The following TAP1 variants were observed in gnomAD, a reference collection of about 807,000 sequenced individuals.
The protein encoded by TAP1 is transporter 1, ATP binding cassette subfamily B member.
TAP1 carries 56 observed loss-of-function variants against 79.3 expected under a neutral mutation model. The ratio of observed to expected loss-of-function variants is 0.71; its 90% confidence interval spans 0.57 to 0.88. The LOEUF is 0.88. Among genes scored for constraint, TAP1 ranks in the 40% least tolerant of loss-of-function variants. TAP1 has a pLI of 0.00. For synonymous variants in TAP1, 355 were observed against 401.4 expected, an observed-to-expected ratio of 0.88 and a Z score of 1.38; for missense variants, 737 against 936.3, an observed-to-expected ratio of 0.79 and a Z score of 2.78.
Position 32,850,227 on chromosome 6 carries a change from G to C in TAP1, c.1248+93C>G. ...AAAATACTGAACCAACCATTTCCCA[G>C]TAAAGGAGGAGTGGGAGCAGGGTCA... On this transcript the variant is annotated intron_variant, in intron 5 of 10. Transcript: ENST00000354258. This position sits in a 1 kb window ranked among gnomAD's most constrained non-coding sequence, Gnocchi z 5.5. 7.2e-7 allele frequency: 1 copy of C among 1,385,056 alleles called. No individual in the cohort carries two copies. Among genetic ancestry groups the C allele is most frequent in the Non-Finnish European group, 1.0e-6 (1 of 974,642 alleles). The allele number at this position is 1,385,056 out of a possible 1,614,324, so 85.8% of individuals were successfully genotyped here. A position where few individuals can be genotyped will look rare whatever the true frequency, so the allele number is the denominator to read the frequency against.
In TAP1 at chr6:32,847,683, G is replaced by A; in HGVS notation, c.1741-8C>T. ...TTGTCCCACTGCAGCCACCTGAGAT[G>A]AAATATGATGAAGAGTCATAGAACA... On this transcript the variant is annotated splice_polypyrimidine_tract_variant and splice_region_variant and intron_variant, in intron 8 of 10. Coordinates refer to ENST00000354258, the MANE Select transcript of TAP1 (RefSeq NM_000593.6). The surrounding 1 kb of genome is among the most constrained non-coding windows in gnomAD (Gnocchi z 4.7). The A allele has an allele frequency of 6.2e-7, 1 of 1,613,492 alleles. No individual in the cohort carries two copies. The highest frequency in any genetic ancestry group is 1.8e-4 in the Middle Eastern group (1 of 5,626).
intron 7 of TAP1, 127 bp from the exon 8 acceptor site, chr6:32,848,219 C>A: frequency 8.1e-7 from 1 of 1,233,568 alleles, no homozygotes; most frequent in South Asian, 1.3e-5. Flanking sequence ...AACTCCTACC[C>A]TCCCACATGC....
chr6:32,852,783 A>G lies in TAP1; in HGVS notation c.598+256T>C. The G allele has an allele frequency of 6.9e-7, 1 of 1,440,920 alleles. No individual in the cohort carries two copies. The highest frequency in any genetic ancestry group is 9.0e-7 in the Non-Finnish European group (1 of 1,105,622). The allele number at this position is 1,440,920 out of a possible 1,614,324, so 89.3% of individuals were successfully genotyped here. On this transcript the variant is annotated intron_variant, in intron 1 of 10. Coordinates refer to ENST00000354258, the MANE Select transcript of TAP1 (RefSeq NM_000593.6). This position sits in a 1 kb window ranked among gnomAD's most constrained non-coding sequence, Gnocchi z 4.8. ...TGAGGATGCCCCGCCCTTCGGCCCC[A>G]GAGCAAAGGATTTCCCCGCTTCCGG...
In TAP1 at chr6:32,847,243, C is replaced by T. The variant is rs770150233; in HGVS notation, c.1904-39G>A. Reference sequence around the variant, plus strand: ...GGCCAAGATGAGAACGGTATAGCCACATGTGTGCACGCATGTACATGCACA... The same window carrying T: ...GGCCAAGATGAGAACGGTATAGCCATATGTGTGCACGCATGTACATGCACA... On this transcript the variant is annotated intron_variant, in intron 9 of 10. Transcript: ENST00000354258. The surrounding 1 kb of genome is among the most constrained non-coding windows in gnomAD (Gnocchi z 4.7). 6.2e-7 allele frequency: 1 copy of T among 1,608,218 alleles called. No individual in the cohort carries two copies. Among genetic ancestry groups the T allele is most frequent in the East Asian group, 2.2e-5 (1 of 44,880 alleles).
At chr6:32,848,561 T>C (rs1770588162) in intron 7 of TAP1, 91 bp downstream of exon 7, 6 of 1,363,744 alleles carry the variant, frequency 4.4e-6, no homozygotes. Flanking sequence ...GGATATATGC[T>C]TGGCAGTAAG....
Position 32,853,147 on chromosome 6 carries a change from C to T in TAP1, c.490G>A (p.Gly164Ser), listed in dbSNP as rs1770902405. 6.8e-6 allele frequency: 11 copies of T among 1,612,658 alleles called. No homozygotes were observed. Among genetic ancestry groups the T allele is most frequent in the Non-Finnish European group, 9.3e-6 (11 of 1,179,904 alleles). The change falls in exon 1 of 11, where the codon GGC becomes AGC. Residue 164 changes from glycine to serine, a missense_variant. Transcript: ENST00000354258. This position sits in a 1 kb window ranked among gnomAD's most constrained non-coding sequence, Gnocchi z 8.3. The stretch of plus-strand genomic sequence containing the variant: ...GGGTTTCCAGAGCCGCCCTGACCGC[C>T]GGGCACCCAGAGGCTCCCGAGTTTG... ...WHKLGSLWVP[G>S]GQGGSGNPVR...
rs1770494275 is a variant in TAP1, at chr6:32,847,294, T to TCA, written c.1904-92_1904-91dup. The TCA allele has an allele frequency of 8.3e-6, 13 of 1,573,466 alleles. No individual in the cohort carries two copies. Among genetic ancestry groups the TCA allele is most frequent in the Admixed American group, 1.8e-5 (1 of 56,854 alleles). ...CAGACACACTCATGCATTCACGCAC[T>TCA]CACACACACCAAGATCTGACGGTTG... is the stretch of plus-strand genomic sequence containing the variant. On this transcript the variant is annotated intron_variant, in intron 9 of 10. Transcript: ENST00000354258. This position sits in a 1 kb window ranked among gnomAD's most constrained non-coding sequence, Gnocchi z 4.7.
intron 10 of TAP1, chr6:32,846,509 A>G (rs1329355129): frequency 1.2e-5 from 2 of 170,434 alleles, no homozygotes; most frequent in African/African-American, 4.8e-5. Flanking sequence ...TCTTTTCCTT[A>G]TGTTTCGCTT....
intron 5 of TAP1, chr6:32,849,996 G>A: frequency 2.1e-6 from 1 of 470,184 alleles, no homozygotes; most frequent in Non-Finnish European, 3.9e-6. Flanking sequence ...GCATGAAGCA[G>A]TCCCAGGTGC....
rs1427393441 is a variant in TAP1 at position 32,852,691 on chromosome 6, A to G, written c.599-189T>C. 1 of 1,475,322 alleles carries G rather than the reference A, an allele frequency of 6.8e-7. No individual in the cohort carries two copies. The highest frequency in any genetic ancestry group is 8.9e-7 in the Non-Finnish European group (1 of 1,118,576). The allele number at this position is 1,475,322 out of a possible 1,614,324, so 91.4% of individuals were successfully genotyped here. A position where few individuals can be genotyped will look rare whatever the true frequency, so the allele number is the denominator to read the frequency against. ...GAACTCACTACCCTGTGGTTGCTCT[A>G]CCAGAACTTTCAGGATTTTATTAGG... On this transcript the variant is annotated intron_variant, in intron 1 of 10. Transcript: ENST00000354258. This position sits in a 1 kb window ranked among gnomAD's most constrained non-coding sequence, Gnocchi z 4.8.
rs1770313591 is a variant in TAP1, at chr6:32,845,572, A to G, written c.*7T>C. On this transcript the variant is annotated 3_prime_UTR_variant, in exon 11 of 11. Coordinates refer to ENST00000354258, the MANE Select transcript of TAP1 (RefSeq NM_000593.6). The surrounding 1 kb of genome is among the most constrained non-coding windows in gnomAD (Gnocchi z 4.5). ...GGGAGATGGAGTGCGCAGGTCTGAGAAGGCTTTCATTCTGGAGCATCTGCA... is the reference window on the plus strand; with the variant it reads ...GGGAGATGGAGTGCGCAGGTCTGAGGAGGCTTTCATTCTGGAGCATCTGCA... 9 of 1,612,874 alleles carry G rather than the reference A, an allele frequency of 5.6e-6. No individual in the cohort carries two copies. The highest frequency in any genetic ancestry group is 1.3e-5 in the African/African-American group (1 of 74,908).
At chr6:32,848,521 T>G in intron 7 of TAP1, 131 bp downstream of exon 7, 4 of 1,031,452 alleles carry the variant, frequency 3.9e-6, no homozygotes, top group Non-Finnish European at 4.5e-6. Flanking sequence ...GAACAGATGA[T>G]GCCTACCATT....
In TAP1 at chr6:32,847,363, G is replaced by C. The variant is rs1438522162; in HGVS notation, c.1903+150C>G. ...TCTGGGAAGATGAACAGAATCCTGA[G>C]GATGTCAGGATGAAGAAGCCATAGG... On this transcript the variant is annotated intron_variant, in intron 9 of 10. Coordinates refer to ENST00000354258, the MANE Select transcript of TAP1 (RefSeq NM_000593.6). The surrounding 1 kb of genome is among the most constrained non-coding windows in gnomAD (Gnocchi z 4.7). 1.2e-5 allele frequency: 17 copies of C among 1,462,540 alleles called. No homozygotes were observed. Among genetic ancestry groups the C allele is most frequent in the Non-Finnish European group, 1.6e-5 (17 of 1,053,778 alleles). 90.6% of individuals were successfully genotyped at this position (1,462,540 alleles called of 1,614,324 possible).
Position 32,847,247 on chromosome 6 carries a change from T to C in TAP1, c.1904-43A>G. On this transcript the variant is annotated intron_variant, in intron 9 of 10. Coordinates refer to ENST00000354258, the MANE Select transcript of TAP1 (RefSeq NM_000593.6). This position sits in a 1 kb window ranked among gnomAD's most constrained non-coding sequence, Gnocchi z 4.7. ...AAGATGAGAACGGTATAGCCACATG[T>C]GTGCACGCATGTACATGCACACAGA... is the stretch of plus-strand genomic sequence containing the variant. The C allele has an allele frequency of 6.2e-7, 1 of 1,606,804 alleles. No individual in the cohort carries two copies.
intron 5 of TAP1, chr6:32,849,420 A>T: frequency 2.1e-6 from 1 of 482,272 alleles, no homozygotes; most frequent in Non-Finnish European, 3.8e-6. Context: ...CTTATAAAGA[A>T]GGTTATATCA....
At position 32,852,515 on chromosome 6, in the gene TAP1, A is replaced by G. The variant is rs1210198680; in HGVS notation, c.599-13T>C. On this transcript the variant is annotated splice_polypyrimidine_tract_variant and intron_variant, in intron 1 of 10. Transcript: ENST00000354258. This position sits in a 1 kb window ranked among gnomAD's most constrained non-coding sequence, Gnocchi z 4.8. Reference sequence around the variant, plus strand: ...ATGGCCATCTCCCCTGGAGAAAGAGAAGAGAGGTCACGCACAAATATTAAG... The same window carrying G: ...ATGGCCATCTCCCCTGGAGAAAGAGGAGAGAGGTCACGCACAAATATTAAG... 2.5e-6 allele frequency: 4 copies of G among 1,612,820 alleles called. No individual in the cohort carries two copies. The African/African-American group carries it at 5.3e-5, about 22-fold the overall frequency.
At chr6:32,848,516 G>A in intron 7 of TAP1, 136 bp downstream of exon 7, 14 of 1,022,822 alleles carry the variant, frequency 1.4e-5, no homozygotes, top group Non-Finnish European at 2.1e-5. Context: ...TTATGGAACA[G>A]ATGATGCCTA....
chr6:32,852,554 G>C lies in TAP1; in HGVS notation c.599-52C>G. 1 of 1,608,160 alleles carries C rather than the reference G, an allele frequency of 6.2e-7. No homozygotes were observed. Reference sequence around the variant, plus strand: ...ACAAATATTAAGTCTAAGTAGGTCAGTTCCAGTCAGACTGGCCCCACCACG... The same window carrying C: ...ACAAATATTAAGTCTAAGTAGGTCACTTCCAGTCAGACTGGCCCCACCACG... On this transcript the variant is annotated intron_variant, in intron 1 of 10. Transcript: ENST00000354258. This position sits in a 1 kb window ranked among gnomAD's most constrained non-coding sequence, Gnocchi z 4.8.
chr6:32,850,204 A>C lies in TAP1; in HGVS notation c.1248+116T>G. ...TTGAGCCTCAGGTTGCTAGGACGAAAATACTGAACCAACCATTTCCCAGTA... is the reference window on the plus strand; with the variant it reads ...TTGAGCCTCAGGTTGCTAGGACGAACATACTGAACCAACCATTTCCCAGTA... On this transcript the variant is annotated intron_variant, in intron 5 of 10. Coordinates refer to ENST00000354258, the MANE Select transcript of TAP1 (RefSeq NM_000593.6). This position sits in a 1 kb window ranked among gnomAD's most constrained non-coding sequence, Gnocchi z 5.5. The C allele has an allele frequency of 8.4e-7, 1 of 1,193,256 alleles. No homozygotes were observed. Among genetic ancestry groups the C allele is most frequent in the Non-Finnish European group, 1.2e-6 (1 of 808,874 alleles). The allele number at this position is 1,193,256 out of a possible 1,614,324, so 73.9% of individuals were successfully genotyped here.
Sources: gnomAD v4.1 joint callset for allele counts on GRCh38, gnomAD v4.1.1 for gene constraint, Gnocchi (gnomAD v3.1) non-coding constraint, MANE v1.5 for transcripts, NCBI Gene and HGNC (gene_info 2026-07-23, HGNC 2026-07-21) for gene names.